The following PTPN4 variants were observed in gnomAD, a reference collection of about 807,000 sequenced individuals.
PTPN4 encodes protein tyrosine phosphatase non-receptor type 4, also known as tyrosine-protein phosphatase non-receptor type 4.
PTPN4 carries 49 observed loss-of-function variants against 135.5 expected under a neutral mutation model. The ratio of observed to expected loss-of-function variants is 0.36; its 90% CI spans 0.29 to 0.46. The LOEUF is 0.46. Ranked by LOEUF, PTPN4 falls within the 20% of genes least tolerant of loss-of-function variation. The probability of loss-of-function intolerance (pLI) is 1.00; values close to 1 mark genes in which losing one functional copy is unlikely to be tolerated. For missense variants in PTPN4, 860 were observed against 1,101.0 expected, an observed-to-expected ratio of 0.78 and a Z score of 3.10; for synonymous variants, 333 against 369.9, an observed-to-expected ratio of 0.90 and a Z score of 1.14.
intron 10 of PTPN4, among the ~76,000 whole-genome samples, chr2:119,903,899 C>T (rs1304863734): frequency 6.6e-6 from 1 of 152,190 alleles, no homozygotes; most frequent in Non-Finnish European, 1.5e-5. Flanking sequence ...ACAGACACCT[C>T]TGACACTGAT....
intron 11 of PTPN4, among the ~76,000 whole-genome samples, chr2:119,918,267 A>T (rs570943773): frequency 6.6e-6 from 1 of 152,334 alleles, no homozygotes; most frequent in Admixed American, 6.5e-5. Context: ...TATCTTAATG[A>T]CCTTTTGATG....
chr2:119,776,188 T>C (rs1690833495), intron 1 of PTPN4, among the ~76,000 whole-genome samples: 1 of 152,166 alleles, frequency 6.6e-6, no homozygotes, highest in Non-Finnish European at 1.5e-5. Flanking sequence ...ATTTATTAAT[T>C]TTTTTGAGAC....
At chr2:119,778,237 TGGAGAG>T (rs1467201025) in intron 1 of PTPN4, among the ~76,000 whole-genome samples, 1 of 152,038 alleles carries the variant, frequency 6.6e-6, no homozygotes, top group Admixed American at 6.6e-5. Flanking sequence ...ATTTAGAAAA[TGGAGAG>T]GGAGAGAGGG....
chr2:119,837,968 G>A (rs974534534), intron 2 of PTPN4, among the ~76,000 whole-genome samples: 3 of 152,218 alleles, frequency 2.0e-5, no homozygotes, highest in African/African-American at 7.2e-5. Flanking sequence ...TCGCTGCTCC[G>A]CGCCTGACTC....
intron 26 of PTPN4, among the ~76,000 whole-genome samples, chr2:119,976,239 C>T (rs1230125083): frequency 1.3e-5 from 2 of 152,034 alleles, no homozygotes; most frequent in Non-Finnish European, 2.9e-5. Context: ...CCTCGTGATC[C>T]ACCCACCTTG....
intron 9 of PTPN4, among the ~76,000 whole-genome samples, chr2:119,888,108 ATT>A (rs745511016): frequency 7.5e-4 from 114 of 152,062 alleles, no homozygotes; most frequent in Middle Eastern, 3.4e-3. Flanking sequence ...ATTCCTAGGT[ATT>A]TTTTGTAGCT....
intron 1 of PTPN4, among the ~76,000 whole-genome samples, chr2:119,793,320 A>G (rs1691185117): frequency 6.6e-6 from 1 of 152,202 alleles, no homozygotes; most frequent in South Asian, 2.1e-4. Flanking sequence ...AATAAGAGAA[A>G]TATGACTCTG....
rs1198368794 is a variant in PTPN4 at position 119,982,406 on chromosome 2, T to A, written c.*5336T>A. On this transcript the variant is annotated 3_prime_UTR_variant, in exon 27 of 27. Coordinates refer to ENST00000263708, the MANE Select transcript of PTPN4 (RefSeq NM_002830.4). ...AGGATACTCTATTTGTTTTAAAGTC[T>A]ACACGGGATTGAAAAGAAAGGGAAG... is the stretch of plus-strand genomic sequence containing the variant. The A allele has an allele frequency of 6.6e-6, 1 of 152,196 alleles. No individual in the cohort carries two copies. The highest frequency in any genetic ancestry group is 6.5e-5 in the Admixed American group (1 of 15,276). 9.4% of individuals were successfully genotyped at this position (152,196 alleles called of 1,614,324 possible).
rs552711225 is a variant in PTPN4 at position 119,872,152 on chromosome 2, G to A, written c.247-5171G>A. Among the ~76,000 whole-genome samples, 55 of 151,966 alleles carry A rather than the reference G, an allele frequency of 3.6e-4. 1 individual carries two copies. The highest frequency in any genetic ancestry group is 8.3e-4 in the South Asian group (4 of 4,816). On this transcript the variant is annotated intron_variant, in intron 3 of 26. Transcript: ENST00000263708. ...TGTTATTAATTTTATTTTATTTAGC[G>A]TAGTGAAAGGTAAAGTTGGGATCAA...
intron 1 of PTPN4, among the ~76,000 whole-genome samples, chr2:119,781,944 T>G (rs1690947640): frequency 6.6e-6 from 1 of 152,176 alleles, no homozygotes. Flanking sequence ...CCTGCGTGAT[T>G]GTGTTATATA....
At chr2:119,804,423 T>C (rs1001006564) in intron 1 of PTPN4, among the ~76,000 whole-genome samples, 7 of 152,146 alleles carry the variant, frequency 4.6e-5, no homozygotes, top group Admixed American at 2.6e-4. Context: ...ATACCATCCC[T>C]CTCCCTGCCC....
At chr2:119,943,269 C>G (rs1679085190) in intron 15 of PTPN4, among the ~76,000 whole-genome samples, 1 of 152,190 alleles carries the variant, frequency 6.6e-6, no homozygotes, top group African/African-American at 2.4e-5. Flanking sequence ...AGGTGTCTAG[C>G]AGCCAACCTC....
intron 2 of PTPN4, among the ~76,000 whole-genome samples, chr2:119,859,388 G>C (rs1368407380): frequency 1.3e-5 from 2 of 152,192 alleles, no homozygotes; most frequent in African/African-American, 4.8e-5. Context: ...TTGTAGTAGG[G>C]AGTCACCTTG....
chr2:119,820,132 A>G (rs765988361), intron 2 of PTPN4, among the ~76,000 whole-genome samples: 1 of 152,206 alleles, frequency 6.6e-6, no homozygotes, highest in Non-Finnish European at 1.5e-5. Context: ...CACTGCTGGA[A>G]TTATAGGCAT....
intron 22 of PTPN4, among the ~76,000 whole-genome samples, chr2:119,958,052 C>T (rs2105056762): frequency 6.6e-6 from 1 of 151,756 alleles, no homozygotes; most frequent in African/African-American, 2.4e-5. Flanking sequence ...AATCAAATGA[C>T]AAATGGAATT....
chr2:119,847,743 A>G lies in PTPN4; in HGVS notation c.139-14793A>G, dbSNP rs142985364. The stretch of plus-strand genomic sequence containing the variant: ...TTCAGCCTGAAGAACTTCCTTTGGT[A>G]TTTCTTGTAAGGTGGATCTGCTGGC... On this transcript the variant is annotated intron_variant, in intron 2 of 26. Transcript: ENST00000263708. Among the ~76,000 whole-genome samples the G allele has an allele frequency of 3.3e-5, 5 of 152,148 alleles. No homozygotes were observed. The East Asian group carries it at 9.7e-4, about 29-fold the overall frequency.
chr2:119,784,535 T>C (rs944130410), intron 1 of PTPN4, among the ~76,000 whole-genome samples: 6 of 151,496 alleles, frequency 4.0e-5, no homozygotes, highest in East Asian at 1.9e-4. Context: ...TACAGGCGCC[T>C]GCCACCATGC....
chr2:119,872,737 T>G (rs1677930936), intron 3 of PTPN4, among the ~76,000 whole-genome samples: 1 of 152,162 alleles, frequency 6.6e-6, no homozygotes, highest in South Asian at 2.1e-4. Context: ...GGACCATGTT[T>G]TGAACTTATA....
intron 1 of PTPN4, among the ~76,000 whole-genome samples, chr2:119,799,187 T>C (rs943030625): frequency 6.6e-6 from 1 of 152,194 alleles, no homozygotes; most frequent in African/African-American, 2.4e-5. Context: ...TCTGTAGAGA[T>C]TGTAGTAGCA....
Sources: gnomAD v4.1 joint callset for allele counts (sites outside exome capture counted in the v4.1 genomes callset) on GRCh38, gnomAD v4.1.1 for gene constraint, MANE v1.5 for transcripts, NCBI Gene and HGNC (gene_info 2026-07-23, HGNC 2026-07-21) for gene names.